Variants in CHCHD3 observed in about 807,000 individuals in gnomAD.
CHCHD3 encodes coiled-coil-helix-coiled-coil-helix domain containing 3.
CHCHD3 carries 20 observed loss-of-function variants against 38.2 expected under a neutral mutation model. The observed-to-expected ratio is 0.52, with a 90% confidence interval of 0.37 to 0.76. The LOEUF is 0.76. Ranked by LOEUF, CHCHD3 falls within the 30% of genes least tolerant of loss-of-function variation. CHCHD3 has a pLI of 0.00. For synonymous variants in CHCHD3, 82 were observed against 100.0 expected (o/e 0.82, Z 1.07); for missense variants, 245 against 279.2 (o/e 0.88, Z 0.87).
At chr7:132,886,877 T>G (rs1809230607) in intron 4 of CHCHD3, 2 of 705,000 alleles carry the variant, frequency 2.8e-6, no homozygotes, top group South Asian at 1.4e-4. Context: ...TGATCAAGTA[T>G]TGTCTGTTTC....
rs559906237 is a variant in CHCHD3 at position 133,048,551 on chromosome 7, A to G, written c.169+21591T>C. 7.9e-5 allele frequency among the ~76,000 whole-genome samples: 12 copies of G among 152,306 alleles called. No individual in the cohort carries two copies. In the East Asian group the frequency reaches 1.9e-3, roughly 25 times the overall value. ...GGGAGGGGTAAAGAGGCAGAAGGGA[A>G]GCAGGGATCATAGCAGCTAGTTTAG... On this transcript the variant is annotated intron_variant, in intron 2 of 7. Transcript: ENST00000262570.
intron 3 of CHCHD3, among the ~76,000 whole-genome samples, chr7:132,976,854 A>C (rs1181843173): frequency 6.6e-6 from 1 of 152,204 alleles, no homozygotes; most frequent in African/African-American, 2.4e-5. Flanking sequence ...AACAGAAAAA[A>C]AAAAGTCACC....
chr7:132,808,145 T>C (rs995854388), intron 6 of CHCHD3, among the ~76,000 whole-genome samples: 2 of 152,214 alleles, frequency 1.3e-5, no homozygotes, highest in East Asian at 3.9e-4. Flanking sequence ...TCTGATTTAG[T>C]ATCTCAGTAA....
chr7:132,896,985 C>T (rs1349861342), intron 4 of CHCHD3, among the ~76,000 whole-genome samples: 1 of 152,160 alleles, frequency 6.6e-6, no homozygotes, highest in African/African-American at 2.4e-5. Flanking sequence ...CACAGATTGG[C>T]GTTATCAACT....
chr7:132,900,611 A>G (rs1376910952), intron 4 of CHCHD3, among the ~76,000 whole-genome samples: 1 of 152,238 alleles, frequency 6.6e-6, no homozygotes, highest in Non-Finnish European at 1.5e-5. Flanking sequence ...GCTGGACTCA[A>G]AAGAATAATT....
At position 133,034,175 on chromosome 7, in the gene CHCHD3, T is replaced by C. The variant is rs147940961; in HGVS notation, c.170-9548A>G. On this transcript the variant is annotated intron_variant, in intron 2 of 7. Transcript: ENST00000262570. Reference sequence around the variant, plus strand: ...TAAAACTATGTTTTATATATGACAATATCAGAATGAATACTGAACAAACAG... The same window carrying C: ...TAAAACTATGTTTTATATATGACAACATCAGAATGAATACTGAACAAACAG... 2.2e-4 allele frequency among the ~76,000 whole-genome samples: 33 copies of C among 152,284 alleles called. No homozygotes were observed. In the East Asian group the frequency reaches 5.4e-3, roughly 25 times the overall value.
intron 3 of CHCHD3, among the ~76,000 whole-genome samples, chr7:132,977,868 A>G (rs1235233094): frequency 6.6e-6 from 1 of 152,172 alleles, no homozygotes; most frequent in Non-Finnish European, 1.5e-5. Context: ...ATACAGGATC[A>G]TAAGGATTTT....
At chr7:132,957,414 C>A (rs1811206652) in intron 4 of CHCHD3, among the ~76,000 whole-genome samples, 1 of 152,168 alleles carries the variant, frequency 6.6e-6, no homozygotes, top group African/African-American at 2.4e-5. Flanking sequence ...CCACTCCAAT[C>A]TGATGAGGGT....
intron 3 of CHCHD3, among the ~76,000 whole-genome samples, chr7:132,984,898 T>A (rs1584620730): frequency 1.2e-5 from 1 of 84,600 alleles, no homozygotes; most frequent in African/African-American, 4.7e-5. Flanking sequence ...GGGAGGGAGG[T>A]GGGGGGGTCA....
intron 3 of CHCHD3, among the ~76,000 whole-genome samples, chr7:133,002,174 G>C (rs2117392786): frequency 6.6e-6 from 1 of 152,314 alleles, no homozygotes; most frequent in South Asian, 2.1e-4. Context: ...ACTTCAAAGA[G>C]AGAAAAGAGT....
At chr7:132,922,640 C>CG (rs1482802993) in intron 4 of CHCHD3, among the ~76,000 whole-genome samples, 1 of 151,730 alleles carries the variant, frequency 6.6e-6, no homozygotes, top group Non-Finnish European at 1.5e-5. Context: ...CTTTGAAAGG[C>CG]GTAAGTCATA....
At chr7:133,050,781 G>A (rs1233979897) in intron 2 of CHCHD3, among the ~76,000 whole-genome samples, 1 of 152,088 alleles carries the variant, frequency 6.6e-6, no homozygotes, top group Non-Finnish European at 1.5e-5. Flanking sequence ...TTGGGAGGAT[G>A]AGGGAGATAG....
At chr7:132,878,284 T>C (rs947915273) in intron 5 of CHCHD3, among the ~76,000 whole-genome samples, 1 of 152,158 alleles carries the variant, frequency 6.6e-6, no homozygotes, top group Non-Finnish European at 1.5e-5. Flanking sequence ...ATTATTATCA[T>C]TGTTGGCATT....
intron 3 of CHCHD3, among the ~76,000 whole-genome samples, chr7:133,012,540 G>C (rs951279273): frequency 1.3e-5 from 2 of 152,136 alleles, no homozygotes; most frequent in African/African-American, 4.8e-5. Flanking sequence ...AAGGCAGGCA[G>C]ATGGCTTGAG....
chr7:132,915,826 G>C (rs1443751216), intron 4 of CHCHD3, among the ~76,000 whole-genome samples: 1 of 151,854 alleles, frequency 6.6e-6, no homozygotes, highest in Non-Finnish European at 1.5e-5. Flanking sequence ...GCCAATCCTT[G>C]AACTTCTTCG....
At chr7:132,885,400 T>A (rs1249115219) in intron 5 of CHCHD3, among the ~76,000 whole-genome samples, 1 of 152,134 alleles carries the variant, frequency 6.6e-6, no homozygotes, top group Admixed American at 6.6e-5. Flanking sequence ...CTATGTAGAT[T>A]CTAAACATAT....
intron 7 of CHCHD3, among the ~76,000 whole-genome samples, chr7:132,791,988 G>C (rs1806472352): frequency 6.6e-6 from 1 of 152,144 alleles, no homozygotes; most frequent in South Asian, 2.1e-4. Context: ...TGAACTAACT[G>C]TTTGCGTGGC....
chr7:132,971,159 G>C (rs1014652953), intron 4 of CHCHD3, among the ~76,000 whole-genome samples: 3 of 152,250 alleles, frequency 2.0e-5, no homozygotes, highest in Non-Finnish European at 2.9e-5. Flanking sequence ...CACATATCAA[G>C]TTGCATTAAC....
chr7:132,888,012 T>C (rs1199259489), intron 4 of CHCHD3, among the ~76,000 whole-genome samples: 2 of 151,726 alleles, frequency 1.3e-5, no homozygotes, highest in African/African-American at 2.4e-5. Context: ...TTGTTTAGAA[T>C]TGCAGAGAAA....
Sources: allele counts gnomAD v4.1 joint callset (sites outside exome capture counted in the v4.1 genomes callset), GRCh38; gene constraint gnomAD v4.1.1; transcripts MANE v1.5; gene names NCBI Gene and HGNC (gene_info 2026-07-23, HGNC 2026-07-21).